Variants in TAFA5 observed in about 807,000 individuals in gnomAD.
TAFA5 encodes TAFA chemokine like family member 5.
A neutral mutation model predicts 15.3 loss-of-function variants in TAFA5; 6 were observed. That is an observed-to-expected ratio of 0.39 (90% confidence interval 0.21 to 0.77). The LOEUF (loss-of-function observed/expected upper bound fraction) is 0.77, where lower values mean the gene tolerates loss of function less well. Ranked by LOEUF, TAFA5 falls within the 30% of genes least tolerant of loss-of-function variation. TAFA5 has a pLI of 0.41. For synonymous variants in TAFA5, 103 were observed against 80.7 expected (o/e 1.28, Z -1.48); for missense variants, 161 against 193.1 (o/e 0.83, Z 0.98).
intron 1 of TAFA5, among the ~76,000 whole-genome samples, chr22:48,596,248 T>C (rs887716348): frequency 6.6e-6 from 1 of 152,240 alleles, no homozygotes; most frequent in Non-Finnish European, 1.5e-5. Flanking sequence ...AGACGCGGCC[T>C]TCTGGGGCCC....
chr22:48,490,101 G>T lies in TAFA5; in HGVS notation c.112+397G>T, dbSNP rs1160843933. Among the ~76,000 whole-genome samples, 2 of 152,180 alleles carry T rather than the reference G, an allele frequency of 1.3e-5. No homozygotes were observed. Among genetic ancestry groups the T allele is most frequent in the African/African-American group, 4.8e-5 (2 of 41,546 alleles). Reference sequence around the variant, plus strand: ...GGCGCTGCCGGGGTGTCTGCGGAGCGCCCTCCCCGTGCCTCAGCCCGGGAC... The same window carrying T: ...GGCGCTGCCGGGGTGTCTGCGGAGCTCCCTCCCCGTGCCTCAGCCCGGGAC... On this transcript the variant is annotated intron_variant, in intron 1 of 3. Transcript: ENST00000402357. This position sits in a 1 kb window ranked among gnomAD's most constrained non-coding sequence, Gnocchi z 5.8.
rs751894414 is a variant in TAFA5, at chr22:48,539,379, G to C, written c.112+49675G>C. On this transcript the variant is annotated intron_variant, in intron 1 of 3. Coordinates refer to ENST00000402357, the MANE Select transcript of TAFA5 (RefSeq NM_001082967.3). ...TCCTCCAGGCTGTGCGTGGCCGGGCGGTGATCACTCTGAAGTGGTTGTTAC... is the reference window on the plus strand; with the variant it reads ...TCCTCCAGGCTGTGCGTGGCCGGGCCGTGATCACTCTGAAGTGGTTGTTAC... 8.5e-6 allele frequency: 4 copies of C among 471,198 alleles called. No individual in the cohort carries two copies. The Admixed American group carries it at 9.4e-5, about 11-fold the overall frequency. 29.2% of individuals were successfully genotyped at this position (471,198 alleles called of 1,614,324 possible). A position where few individuals can be genotyped will look rare whatever the true frequency, so the allele number is the denominator to read the frequency against.
In TAFA5 at chr22:48,646,420, G is replaced by A. The variant is rs1321120163; in HGVS notation, c.113-177G>A. On this transcript the variant is annotated intron_variant, in intron 1 of 3. Transcript: ENST00000402357. ...ACTTGACCCAGCTCTGGCTTCCATC[G>A]AGCGCTCCTTGCTGGCAGCCTTCGA... Among the ~76,000 whole-genome samples the A allele has an allele frequency of 8.5e-5, 13 of 152,198 alleles. No individual in the cohort carries two copies. In the East Asian group the frequency reaches 1.3e-3, roughly 16 times the overall value.
chr22:48,600,375 G>A (rs1201971266), intron 1 of TAFA5, among the ~76,000 whole-genome samples: 3 of 152,222 alleles, frequency 2.0e-5, no homozygotes, highest in African/African-American at 7.2e-5. Flanking sequence ...CAGGTCCAGC[G>A]GGGATCAGAG....
chr22:48,553,401 G>A (rs1049927676), intron 1 of TAFA5, among the ~76,000 whole-genome samples: 4 of 152,174 alleles, frequency 2.6e-5, no homozygotes, highest in East Asian at 3.9e-4. Context: ...GCCCGGAGGC[G>A]CCCGGGCCAG....
Position 48,560,505 on chromosome 22 carries a change from T to C in TAFA5, c.112+70801T>C, listed in dbSNP as rs1172643257. 6.6e-6 allele frequency among the ~76,000 whole-genome samples: 1 copy of C among 152,194 alleles called. No individual in the cohort carries two copies. The highest frequency in any genetic ancestry group is 1.9e-4 in the East Asian group (1 of 5,190). The stretch of plus-strand genomic sequence containing the variant: ...CCCAGTGTGAACTAATGTGAGGTGC[T>C]TTCATGCTGCAGAAGGCACCTGGGT... On this transcript the variant is annotated intron_variant, in intron 1 of 3. Coordinates refer to ENST00000402357, the MANE Select transcript of TAFA5 (RefSeq NM_001082967.3). This position sits in a 1 kb window ranked among gnomAD's most constrained non-coding sequence, Gnocchi z 4.2.
intron 1 of TAFA5, among the ~76,000 whole-genome samples, chr22:48,564,032 A>T (rs1288376696): frequency 6.6e-6 from 1 of 152,256 alleles, no homozygotes; most frequent in Non-Finnish European, 1.5e-5. Flanking sequence ...CCCCAAAAGC[A>T]GACCCTAAGC....
chr22:48,608,168 C>G (rs1925268894), intron 1 of TAFA5, among the ~76,000 whole-genome samples: 1 of 120,350 alleles, frequency 8.3e-6, no homozygotes, highest in Admixed American at 7.6e-5. Flanking sequence ...CTTTTCAAGA[C>G]CCACCACCGA....
chr22:48,633,123 G>A (rs1395528165), intron 1 of TAFA5, among the ~76,000 whole-genome samples: 1 of 152,164 alleles, frequency 6.6e-6, no homozygotes, highest in African/African-American at 2.4e-5. Context: ...CCAGCAGCCC[G>A]AAGAGCCAGG....
At chr22:48,508,629 G>A (rs936776691) in intron 1 of TAFA5, among the ~76,000 whole-genome samples, 3 of 152,176 alleles carry the variant, frequency 2.0e-5, no homozygotes, top group African/African-American at 4.8e-5. Flanking sequence ...AGCGTTCCCT[G>A]TAACAACCTA....
intron 1 of TAFA5, among the ~76,000 whole-genome samples, chr22:48,508,125 C>T (rs528821245): frequency 1.3e-5 from 2 of 152,168 alleles, no homozygotes; most frequent in South Asian, 4.1e-4. Flanking sequence ...GTGGACAGCC[C>T]TGATGCGTGG....
At chr22:48,663,541 C>T (rs1268979743) in intron 2 of TAFA5, among the ~76,000 whole-genome samples, 1 of 152,238 alleles carries the variant, frequency 6.6e-6, no homozygotes, top group African/African-American at 2.4e-5. Flanking sequence ...AAATTGCAGG[C>T]ATACTTGTTC....
At chr22:48,702,417 C>T (rs538104933) in intron 2 of TAFA5, among the ~76,000 whole-genome samples, 3 of 152,214 alleles carry the variant, frequency 2.0e-5, no homozygotes, top group South Asian at 2.1e-4. Context: ...CTCTGAGACG[C>T]ACTCCTATGC....
At chr22:48,686,065 G>A (rs1347844916) in intron 2 of TAFA5, among the ~76,000 whole-genome samples, 1 of 152,154 alleles carries the variant, frequency 6.6e-6, no homozygotes, top group Admixed American at 6.5e-5. Flanking sequence ...GTTGGAAGGG[G>A]TGCTGAGTGG....
intron 3 of TAFA5, among the ~76,000 whole-genome samples, chr22:48,744,683 C>G (rs992704164): frequency 2.6e-5 from 4 of 152,238 alleles, no homozygotes; most frequent in African/African-American, 9.6e-5. Flanking sequence ...TCTTACATTT[C>G]CAGAGCACCT....
rs1283975840 is a variant in TAFA5 at position 48,550,992 on chromosome 22, C to G, written c.112+61288C>G. Among the ~76,000 whole-genome samples, 2 of 151,796 alleles carry G rather than the reference C, an allele frequency of 1.3e-5. No individual in the cohort carries two copies. Among genetic ancestry groups the G allele is most frequent in the Non-Finnish European group, 2.9e-5 (2 of 67,924 alleles). ...CTGAGGGCCCTGGTCCTGATTTGGA[C>G]ATCATAAGATGGGCTGCTGTGGTGT... On this transcript the variant is annotated intron_variant, in intron 1 of 3. Coordinates refer to ENST00000402357, the MANE Select transcript of TAFA5 (RefSeq NM_001082967.3). This position sits in a 1 kb window ranked among gnomAD's most constrained non-coding sequence, Gnocchi z 4.1.
At chr22:48,557,032 G>A (rs1923064431) in intron 1 of TAFA5, among the ~76,000 whole-genome samples, 1 of 152,170 alleles carries the variant, frequency 6.6e-6, no homozygotes, top group African/African-American at 2.4e-5. Context: ...GGTCACCAGG[G>A]GCACCCACCG....
At chr22:48,517,499 C>A in intron 1 of TAFA5, among the ~76,000 whole-genome samples, 1 of 152,226 alleles carries the variant, frequency 6.6e-6, no homozygotes, top group Admixed American at 6.5e-5. Flanking sequence ...TGAGCCCAGG[C>A]TCCTGTAGGG....
intron 1 of TAFA5, among the ~76,000 whole-genome samples, chr22:48,614,787 G>A (rs763651387): frequency 2.0e-5 from 3 of 152,172 alleles, no homozygotes; most frequent in South Asian, 2.1e-4. Flanking sequence ...CTTCTGTGCC[G>A]CACACGTCCA....
Sources: gnomAD v4.1 joint callset for allele counts (sites outside exome capture counted in the v4.1 genomes callset) on GRCh38, gnomAD v4.1.1 for gene constraint, Gnocchi (gnomAD v3.1) non-coding constraint, MANE v1.5 for transcripts, NCBI Gene and HGNC (gene_info 2026-07-23, HGNC 2026-07-21) for gene names.